The following MZT1 variants were observed in gnomAD, a reference collection of about 807,000 sequenced individuals.
MZT1 encodes the protein mitotic-spindle organizing protein 1.
Under a neutral mutation model 8.5 loss-of-function variants are expected in MZT1, and 8 were observed. That is an observed-to-expected ratio of 0.94 (90% CI 0.55 to 1.70). The LOEUF (loss-of-function observed/expected upper bound fraction) is 1.70, where lower values mean the gene tolerates loss of function less well. Ranked by LOEUF, MZT1 falls within the 40% of genes most tolerant of loss-of-function variation. MZT1 has a pLI of 0.00. For missense variants in MZT1, 93 were observed against 108.6 expected, an observed-to-expected ratio of 0.86 and a Z score of 0.64; for synonymous variants, 38 against 42.0, an observed-to-expected ratio of 0.90 and a Z score of 0.37.
At chr13:72,718,917 T>A in intron 2 of MZT1, 35 bp downstream of exon 2, 2 of 1,527,740 alleles carry the variant, frequency 1.3e-6, no homozygotes, top group Non-Finnish European at 1.8e-6. Context: ...AATAAAAGCA[T>A]CTTTATTTAG....
At position 72,709,712 on chromosome 13, in the gene MZT1, C is replaced by T. The variant is rs368553158; in HGVS notation, c.*610G>A. The T allele has an allele frequency of 2.6e-4, 39 of 152,166 alleles. 1 individual carries two copies. Among genetic ancestry groups the T allele is most frequent in the African/African-American group, 8.7e-4 (36 of 41,574 alleles). The allele number at this position is 152,166 out of a possible 1,614,324, so 9.4% of individuals were successfully genotyped here. A position where few individuals can be genotyped will look rare whatever the true frequency, so the allele number is the denominator to read the frequency against. Reference sequence around the variant, plus strand: ...CTGGTTCACACTATTAGCTGCCCAACAAACTGTTTGAAAAACTAAATATTC... The same window carrying T: ...CTGGTTCACACTATTAGCTGCCCAATAAACTGTTTGAAAAACTAAATATTC... On this transcript the variant is annotated 3_prime_UTR_variant, in exon 3 of 3. Transcript: ENST00000377818.
At position 72,718,951 on chromosome 13, in the gene MZT1, C is replaced by T. The variant is rs2032566541; in HGVS notation, c.225+1G>A. On this transcript the variant is annotated splice_donor_variant, in intron 2 of 2. Transcript: ENST00000377818. LOFTEE classifies it high-confidence loss of function. ...AGAATGAACTAATAGGAATCTCCAA[C>T]CTTCAGTGCTTCAGTAGCCTTGCGA... 6.4e-7 allele frequency: 1 copy of T among 1,560,874 alleles called. No individual in the cohort carries two copies. The highest frequency in any genetic ancestry group is 1.4e-5 in the African/African-American group (1 of 71,230).
At chr13:72,713,856 T>G (rs1262003272) in intron 2 of MZT1, among the ~76,000 whole-genome samples, 3 of 152,240 alleles carry the variant, frequency 2.0e-5, no homozygotes, top group African/African-American at 4.8e-5. Flanking sequence ...GTTATCACTG[T>G]TATAATGATA....
Position 72,709,920 on chromosome 13 carries a change from T to C in MZT1, c.*402A>G, listed in dbSNP as rs1210011515. On this transcript the variant is annotated 3_prime_UTR_variant, in exon 3 of 3. Coordinates refer to ENST00000377818, the MANE Select transcript of MZT1 (RefSeq NM_001071775.3). The stretch of plus-strand genomic sequence containing the variant: ...ATAAACAATTCAAAATTAAAGTTTA[T>C]AATGGAAATGTCAACAAGTCATAAC... 2 of 162,994 alleles carry C rather than the reference T, an allele frequency of 1.2e-5. No homozygotes were observed. Among genetic ancestry groups the C allele is most frequent in the East Asian group, 3.5e-4 (2 of 5,736 alleles). The allele number at this position is 162,994 out of a possible 1,614,324, so 10.1% of individuals were successfully genotyped here. A position where few individuals can be genotyped will look rare whatever the true frequency, so the allele number is the denominator to read the frequency against.
rs1180726488 is a variant in MZT1, at chr13:72,724,752, A to ATATATATATGTGTGTGTG, written c.79+2771_79+2772insCACACACACATATATATA. 3.3e-3 allele frequency among the ~76,000 whole-genome samples: 186 copies of ATATATATATGTGTGTGTG among 56,836 alleles called. 38 individuals are homozygous for ATATATATATGTGTGTGTG. Among genetic ancestry groups the ATATATATATGTGTGTGTG allele is most frequent in the Non-Finnish European group, 4.9e-3 (131 of 26,808 alleles). 37.3% of individuals were successfully genotyped at this position (56,836 alleles called of 152,430 possible). On this transcript the variant is annotated intron_variant, in intron 1 of 2. Coordinates refer to ENST00000377818, the MANE Select transcript of MZT1 (RefSeq NM_001071775.3). ...TATATATATATATACACATATATAT[A>ATATATATATGTGTGTGTG]TGTAAAGTGGTGCTACAGGCCGGGC... is the stretch of plus-strand genomic sequence containing the variant.
At chr13:72,726,392 T>C (rs2032657577) in intron 1 of MZT1, among the ~76,000 whole-genome samples, 3 of 151,952 alleles carry the variant, frequency 2.0e-5, no homozygotes, top group South Asian at 2.1e-4. Context: ...GGTTGCGCCA[T>C]TGCACTCCAC....
chr13:72,724,479 A>G (rs1328736552), intron 1 of MZT1, among the ~76,000 whole-genome samples: 4 of 149,722 alleles, frequency 2.7e-5, no homozygotes, highest in African/African-American at 9.8e-5. Flanking sequence ...ACTGCCTTGC[A>G]GTGCTAGTCA....
In MZT1 at chr13:72,718,947, C is replaced by G; in HGVS notation, c.225+5G>C. On this transcript the variant is annotated splice_donor_5th_base_variant and intron_variant, in intron 2 of 2. Transcript: ENST00000377818. ...ATTTAGAATGAACTAATAGGAATCTCCAACCTTCAGTGCTTCAGTAGCCTT... is the reference window on the plus strand; with the variant it reads ...ATTTAGAATGAACTAATAGGAATCTGCAACCTTCAGTGCTTCAGTAGCCTT... 6.4e-7 allele frequency: 1 copy of G among 1,560,074 alleles called. No homozygotes were observed. Among genetic ancestry groups the G allele is most frequent in the Non-Finnish European group, 8.6e-7 (1 of 1,163,298 alleles).
At chr13:72,720,449 T>C (rs956964364) in intron 1 of MZT1, among the ~76,000 whole-genome samples, 2 of 152,236 alleles carry the variant, frequency 1.3e-5, no homozygotes, top group Admixed American at 1.3e-4. Flanking sequence ...TACATTATTA[T>C]TTTGGGAAGA....
chr13:72,724,701 A>T (rs1368270207), intron 1 of MZT1, among the ~76,000 whole-genome samples: 6 of 32,646 alleles, frequency 1.8e-4, no homozygotes, highest in East Asian at 1.6e-3. Context: ...CTTACTACTA[A>T]ATATATATAT....
intron 1 of MZT1, among the ~76,000 whole-genome samples, chr13:72,726,175 A>C (rs1162437682): frequency 6.6e-6 from 1 of 152,184 alleles, no homozygotes; most frequent in African/African-American, 2.4e-5. Flanking sequence ...CACGCCTGTA[A>C]TCCTAGCATT....
intron 2 of MZT1, among the ~76,000 whole-genome samples, chr13:72,710,556 G>A (rs1341432032): frequency 6.6e-6 from 1 of 152,044 alleles, no homozygotes; most frequent in Admixed American, 6.5e-5. Context: ...GGCTAACAGT[G>A]GAAAATAGTT....
At chr13:72,719,266 GA>G (rs1232914008) in intron 1 of MZT1, among the ~76,000 whole-genome samples, 169 bp from the exon 2 acceptor site, 1 of 152,132 alleles carries the variant, frequency 6.6e-6, no homozygotes, top group East Asian at 1.9e-4. Context: ...CTTAGTTTTA[GA>G]AACTTAAATA....
chr13:72,724,750 A>ATGTGTG (rs199571360), intron 1 of MZT1, among the ~76,000 whole-genome samples: 823 of 36,850 alleles, frequency 0.022, 140 homozygotes, highest in South Asian at 0.061. Flanking sequence ...ACACATATAT[A>ATGTGTG]TATGTAAAGT....
intron 2 of MZT1, among the ~76,000 whole-genome samples, chr13:72,711,506 A>C (rs1479411823): frequency 6.6e-6 from 1 of 152,144 alleles, no homozygotes. Flanking sequence ...CAAAGAGCAA[A>C]AGAAAAAAGG....
chr13:72,724,118 C>T (rs768102479), intron 1 of MZT1, among the ~76,000 whole-genome samples: 9 of 152,132 alleles, frequency 5.9e-5, no homozygotes, highest in South Asian at 2.1e-4. Flanking sequence ...ATGTAATTAA[C>T]GGGGTGAATG....
intron 1 of MZT1, among the ~76,000 whole-genome samples, chr13:72,723,385 A>G (rs1226214504): frequency 2.0e-5 from 3 of 152,172 alleles, no homozygotes; most frequent in Admixed American, 2.0e-4. Context: ...TAATTCCAAA[A>G]TCTGAAATGT....
intron 2 of MZT1, among the ~76,000 whole-genome samples, chr13:72,713,030 A>C (rs2032503080): frequency 6.6e-6 from 1 of 152,220 alleles, no homozygotes; most frequent in Non-Finnish European, 1.5e-5. Flanking sequence ...CTAAAGCCCA[A>C]GGACTCTTGT....
intron 2 of MZT1, among the ~76,000 whole-genome samples, chr13:72,715,111 G>A (rs1376757222): frequency 2.6e-5 from 4 of 152,226 alleles, no homozygotes; most frequent in Non-Finnish European, 5.9e-5. Flanking sequence ...TAAAGCCACA[G>A]GGGCAGAGTT....
Sources: gnomAD v4.1 joint callset for allele counts (sites outside exome capture counted in the v4.1 genomes callset) on GRCh38, gnomAD v4.1.1 for gene constraint, MANE v1.5 for transcripts, NCBI Gene and HGNC (gene_info 2026-07-23, HGNC 2026-07-21) for gene names.